The following EXOC4 variants were observed in gnomAD, a reference collection of about 807,000 sequenced individuals.
EXOC4 encodes SEC8-like 1.
A neutral mutation model predicts 107.2 loss-of-function variants in EXOC4; 71 were observed. The ratio of observed to expected loss-of-function variants is 0.66; its 90% confidence interval spans 0.55 to 0.81. EXOC4 has a LOEUF of 0.81. EXOC4 is among the 30% of genes least tolerant of loss of function. The pLI is 0.00. For missense variants in EXOC4, 1,108 were observed against 1,189.6 expected (o/e 0.93, Z 1.01); for synonymous variants, 456 against 441.2 (o/e 1.03, Z -0.42).
intron 11 of EXOC4, among the ~76,000 whole-genome samples, chr7:133,852,947 A>G (rs1391721335): frequency 6.6e-6 from 1 of 152,226 alleles, no homozygotes; most frequent in Non-Finnish European, 1.5e-5. Context: ...ATAAATGCAC[A>G]ATCGGGCATC....
intron 10 of EXOC4, among the ~76,000 whole-genome samples, chr7:133,701,064 C>T (rs891454148): frequency 1.3e-5 from 2 of 152,014 alleles, no homozygotes; most frequent in African/African-American, 4.8e-5. Flanking sequence ...AATATAGATA[C>T]GTATGTTAAT....
chr7:133,359,811 C>G (rs1233550190), intron 6 of EXOC4, among the ~76,000 whole-genome samples: 5 of 152,186 alleles, frequency 3.3e-5, no homozygotes, highest in African/African-American at 2.4e-5. Flanking sequence ...AGCCAGGATA[C>G]TTTCCCAGCC....
chr7:133,845,438 T>C (rs1350696064), intron 11 of EXOC4, among the ~76,000 whole-genome samples: 1 of 148,264 alleles, frequency 6.7e-6, no homozygotes, highest in East Asian at 1.9e-4. Context: ...ATACTAGATA[T>C]ATAAGATATA....
At chr7:133,461,759 G>A (rs887577535) in intron 7 of EXOC4, among the ~76,000 whole-genome samples, 1 of 152,206 alleles carries the variant, frequency 6.6e-6, no homozygotes, top group African/African-American at 2.4e-5. Context: ...GCTCATCTGT[G>A]AATGTGAAAC....
intron 14 of EXOC4, among the ~76,000 whole-genome samples, chr7:133,985,279 T>C (rs1051005766): frequency 5.3e-5 from 8 of 152,146 alleles, no homozygotes; most frequent in Admixed American, 4.6e-4. Flanking sequence ...TACCCAAATA[T>C]AAAACATCCC....
At chr7:133,675,723 G>A (rs539384931) in intron 10 of EXOC4, among the ~76,000 whole-genome samples, 10 of 152,264 alleles carry the variant, frequency 6.6e-5, no homozygotes, top group Admixed American at 5.2e-4. Context: ...TCCAGATAAC[G>A]GCGTAGGAGT....
chr7:133,543,168 A>AT (rs929755067), intron 9 of EXOC4, among the ~76,000 whole-genome samples: 196 of 149,956 alleles, frequency 1.3e-3, no homozygotes, highest in African/African-American at 3.9e-3. Context: ...GGTAATGAGA[A>AT]TTTTTTTTTT....
intron 10 of EXOC4, among the ~76,000 whole-genome samples, chr7:133,807,456 C>T (rs1797105129): frequency 6.6e-6 from 1 of 152,136 alleles, no homozygotes; most frequent in South Asian, 2.1e-4. Context: ...ATTAGAGTCT[C>T]TGAAGGTCAA....
At chr7:133,488,781 A>G (rs1799317234) in intron 9 of EXOC4, among the ~76,000 whole-genome samples, 2 of 152,046 alleles carry the variant, frequency 1.3e-5, no homozygotes, top group East Asian at 3.8e-4. Flanking sequence ...TTGTAGAGTC[A>G]CAAAGTAGAA....
chr7:133,314,559 C>T (rs1455034166), intron 4 of EXOC4, among the ~76,000 whole-genome samples: 1 of 151,958 alleles, frequency 6.6e-6, no homozygotes, highest in Non-Finnish European at 1.5e-5. Flanking sequence ...TGTTTATCAC[C>T]CTAAATTTAA....
At chr7:133,320,477 T>C (rs1403812351) in intron 5 of EXOC4, among the ~76,000 whole-genome samples, 2 of 152,210 alleles carry the variant, frequency 1.3e-5, no homozygotes, top group African/African-American at 4.8e-5. Flanking sequence ...CTGTGCCTCT[T>C]TCCTCTTTTT....
chr7:133,627,770 G>A (rs1802491789), intron 9 of EXOC4, among the ~76,000 whole-genome samples: 1 of 152,056 alleles, frequency 6.6e-6, no homozygotes, highest in Non-Finnish European at 1.5e-5. Context: ...TGTACAAGAT[G>A]GATTTTTTTT....
intron 10 of EXOC4, among the ~76,000 whole-genome samples, chr7:133,702,754 G>A (rs903023470): frequency 1.3e-5 from 2 of 152,058 alleles, no homozygotes; most frequent in Admixed American, 6.5e-5. Context: ...GTCATCCGTG[G>A]CTCCATAACA....
At chr7:133,831,994 A>G (rs1797821038) in intron 11 of EXOC4, among the ~76,000 whole-genome samples, 1 of 152,176 alleles carries the variant, frequency 6.6e-6, no homozygotes, top group South Asian at 2.1e-4. Flanking sequence ...TCTCCCATTA[A>G]TTTACTTAAC....
At position 133,366,068 on chromosome 7, in the gene EXOC4, A is replaced by G. The variant is rs145740086; in HGVS notation, c.1008-8760A>G. On this transcript the variant is annotated intron_variant, in intron 6 of 17. Coordinates refer to ENST00000253861, the MANE Select transcript of EXOC4 (RefSeq NM_021807.4). ...TGTGTCTTTGCTTCGTGACCAAGTA[A>G]GGCAGCTTCTTGGCTGCAAACGTGG... 6.0e-3 allele frequency among the ~76,000 whole-genome samples: 911 copies of G among 152,290 alleles called. 4 individuals are homozygous for G. Among genetic ancestry groups the G allele is most frequent in the Non-Finnish European group, 1.0e-2 (677 of 68,014 alleles).
At chr7:134,032,014 G>A (rs897809520) in intron 17 of EXOC4, among the ~76,000 whole-genome samples, 5 of 152,144 alleles carry the variant, frequency 3.3e-5, no homozygotes, top group African/African-American at 1.2e-4. Flanking sequence ...AAAGAGTACA[G>A]CCCTTCTGGA....
At chr7:134,098,912 T>G in the EXOC4 span, among the ~76,000 whole-genome samples, 1 of 152,224 alleles carries the variant, frequency 6.6e-6, no homozygotes, top group East Asian at 1.9e-4. Context: ...ATGTAAGAGT[T>G]TCTTAGGCCA....
At chr7:133,567,192 TTA>T (rs907175726) in intron 9 of EXOC4, among the ~76,000 whole-genome samples, 2 of 152,158 alleles carry the variant, frequency 1.3e-5, no homozygotes, top group African/African-American at 2.4e-5. Context: ...TTCCCACAGG[TTA>T]ATTTATATCA....
intron 9 of EXOC4, among the ~76,000 whole-genome samples, chr7:133,583,400 C>T (rs10235995): frequency 0.23 from 35,535 of 151,958 alleles, 4,848 homozygotes; most frequent in African/African-American, 0.36. Context: ...AGGACAGTTA[C>T]GTAAAGAAGT....
Sources: allele counts gnomAD v4.1 joint callset (sites outside exome capture counted in the v4.1 genomes callset), GRCh38; gene constraint gnomAD v4.1.1; transcripts MANE v1.5; gene names NCBI Gene and HGNC (gene_info 2026-07-23, HGNC 2026-07-21).